DIP2C: variants seen among roughly 807,000 people sequenced by gnomAD.
DIP2C encodes the protein disco-interacting protein 2 homolog C.
Under a neutral mutation model 192.4 loss-of-function variants are expected in DIP2C, and 33 were observed. That is an observed-to-expected ratio of 0.17 (90% CI 0.13 to 0.23). The LOEUF (loss-of-function observed/expected upper bound fraction) is 0.23. Among genes scored for constraint, DIP2C ranks in the 10% least tolerant of loss-of-function variants. DIP2C has a pLI of 1.00. For synonymous variants in DIP2C, 979 were observed against 864.1 expected (o/e 1.13, Z -2.33); for missense variants, 1,537 against 2,110.1 (o/e 0.73, Z 5.32).
chr10:306,587 A>G (rs1956334933), intron 32 of DIP2C, among the ~76,000 whole-genome samples: 1 of 152,250 alleles, frequency 6.6e-6, no homozygotes, highest in Non-Finnish European at 1.5e-5. Flanking sequence ...ATCAAGTGAG[A>G]AAACCACCAT....
At chr10:419,314 T>C (rs531480539) in intron 5 of DIP2C, 115 bp from the exon 6 acceptor site, 4 of 1,480,480 alleles carry the variant, frequency 2.7e-6, no homozygotes, top group Admixed American at 1.8e-5. Flanking sequence ...GGGTGTGCCA[T>C]GGAAAGCCAG....
intron 1 of DIP2C, among the ~76,000 whole-genome samples, chr10:660,229 T>A (rs1267942045): frequency 2.0e-5 from 3 of 151,970 alleles, no homozygotes; most frequent in Non-Finnish European, 4.4e-5. Context: ...TGTCCCTGTT[T>A]CAAGTTCTGT....
At chr10:356,256 G>A (rs745506527) in intron 24 of DIP2C, 170 bp downstream of exon 24, 39 of 761,672 alleles carry the variant, frequency 5.1e-5, no homozygotes, top group Middle Eastern at 2.3e-4. Flanking sequence ...AAATGGTTAC[G>A]TTTAAAAACA....
intron 31 of DIP2C, 38 bp from the exon 32 acceptor site, chr10:310,130 T>C (rs1239718072): frequency 1.9e-6 from 3 of 1,580,042 alleles, no homozygotes; most frequent in Admixed American, 1.7e-5. Context: ...CAAGTTTACA[T>C]GGAGGGAGAT....
chr10:638,722 G>C (rs1453761147), intron 1 of DIP2C, among the ~76,000 whole-genome samples: 1 of 152,208 alleles, frequency 6.6e-6, no homozygotes, highest in Non-Finnish European at 1.5e-5. Context: ...TCCTGTTTCA[G>C]GTTTGCCAGC....
At chr10:673,005 G>A (rs183505343) in intron 1 of DIP2C, among the ~76,000 whole-genome samples, 1 of 152,320 alleles carries the variant, frequency 6.6e-6, no homozygotes, top group Non-Finnish European at 1.5e-5. Flanking sequence ...AAGTTCTAAA[G>A]GTTCCCAGCT....
chr10:556,461 G>C (rs1848878687), intron 1 of DIP2C, among the ~76,000 whole-genome samples: 1 of 146,846 alleles, frequency 6.8e-6, no homozygotes, highest in Non-Finnish European at 1.5e-5. Flanking sequence ...CTTCCCAAGA[G>C]GGGGATCCAC....
At chr10:375,888 T>C (rs902426471) in intron 17 of DIP2C, among the ~76,000 whole-genome samples, 4 of 152,014 alleles carry the variant, frequency 2.6e-5, no homozygotes, top group Non-Finnish European at 5.9e-5. Context: ...TTTTATCTTA[T>C]ACGGGCGATC....
At chr10:427,349 A>G (rs915638882) in intron 4 of DIP2C, among the ~76,000 whole-genome samples, 5 of 152,230 alleles carry the variant, frequency 3.3e-5, no homozygotes, top group African/African-American at 9.6e-5. Context: ...GTGGTCCCAT[A>G]TCAAGATCTC....
rs1208698263 is a variant in DIP2C, at chr10:433,477, G to A, written c.394+7394C>T. On this transcript the variant is annotated intron_variant, in intron 4 of 36. Coordinates refer to ENST00000280886, the MANE Select transcript of DIP2C (RefSeq NM_014974.3). Reference sequence around the variant, plus strand: ...TGATCACCTGAGGTCAGGAGTTCAAGACTGGCTTGGCCAACATAGTGAAAC... The same window carrying A: ...TGATCACCTGAGGTCAGGAGTTCAAAACTGGCTTGGCCAACATAGTGAAAC... Among the ~76,000 whole-genome samples, 4 of 151,998 alleles carry A rather than the reference G, an allele frequency of 2.6e-5. No homozygotes were observed. In the South Asian group the frequency reaches 8.3e-4, roughly 32 times the overall value.
chr10:280,785 C>A (rs146215930), intron 36 of DIP2C, among the ~76,000 whole-genome samples: 32 of 152,206 alleles, frequency 2.1e-4, no homozygotes, highest in African/African-American at 7.7e-4. Flanking sequence ...TCTGGACAAA[C>A]GCTGCCTCTC....
chr10:556,896 T>TCA (rs1848907101), intron 1 of DIP2C, among the ~76,000 whole-genome samples: 2 of 151,878 alleles, frequency 1.3e-5, no homozygotes, highest in African/African-American at 4.9e-5. Context: ...GTCCTGACCT[T>TCA]CACAGCCCAT....
intron 1 of DIP2C, among the ~76,000 whole-genome samples, chr10:527,321 T>TG (rs768678388): frequency 4.6e-5 from 7 of 152,232 alleles, no homozygotes; most frequent in Non-Finnish European, 1.0e-4. Flanking sequence ...CATGTTGTTC[T>TG]GCTCCACACA....
chr10:488,649 C>T (rs562332024), intron 1 of DIP2C, among the ~76,000 whole-genome samples: 7 of 152,274 alleles, frequency 4.6e-5, no homozygotes, highest in African/African-American at 1.2e-4. Flanking sequence ...TGCCCTTCTC[C>T]GAAGGAAACG....
intron 3 of DIP2C, among the ~76,000 whole-genome samples, chr10:468,034 G>A (rs1187164388): frequency 6.6e-6 from 1 of 152,124 alleles, no homozygotes. Flanking sequence ...CACAGACCTC[G>A]AGCTGCCAAG....
chr10:340,725 G>C (rs774784541), intron 29 of DIP2C: 1 of 456,234 alleles, frequency 2.2e-6, no homozygotes, highest in Non-Finnish European at 4.4e-6. Context: ...GCTCCGAGCC[G>C]GCTGCTGGGT....
chr10:392,754 A>G, intron 10 of DIP2C, among the ~76,000 whole-genome samples: 1 of 135,366 alleles, frequency 7.4e-6, no homozygotes, highest in Non-Finnish European at 1.7e-5. Flanking sequence ...ACTCACATAC[A>G]CACACACACA....
intron 4 of DIP2C, among the ~76,000 whole-genome samples, chr10:439,593 T>C (rs12249296): frequency 0.16 from 24,120 of 152,088 alleles, 4,954 homozygotes; most frequent in African/African-American, 0.48. Flanking sequence ...CACTGAATTC[T>C]GACCGTGGCG....
intron 29 of DIP2C, among the ~76,000 whole-genome samples, chr10:331,542 C>G (rs1280541434): frequency 6.6e-6 from 1 of 152,170 alleles, no homozygotes; most frequent in Non-Finnish European, 1.5e-5. Flanking sequence ...AGTGACTAAA[C>G]AACATAGTAC....
Sources: gnomAD v4.1 joint callset for allele counts (sites outside exome capture counted in the v4.1 genomes callset) on GRCh38, gnomAD v4.1.1 for gene constraint, MANE v1.5 for transcripts, NCBI Gene and HGNC (gene_info 2026-07-23, HGNC 2026-07-21) for gene names.